The following ANKRD62 variants were observed in gnomAD, a reference collection of about 807,000 sequenced individuals.
The protein encoded by ANKRD62 is ankyrin repeat domain-containing protein 62.
A neutral mutation model predicts 98.8 loss-of-function variants in ANKRD62; 61 were observed. The observed-to-expected ratio is 0.62, with a 90% CI of 0.50 to 0.76. The LOEUF (loss-of-function observed/expected upper bound fraction) is 0.76, where lower values mean the gene tolerates loss of function less well. Ranked by LOEUF, ANKRD62 falls within the 30% of genes least tolerant of loss-of-function variation. The probability of loss-of-function intolerance (pLI) is 0.00; values close to 1 mark genes in which losing one functional copy is unlikely to be tolerated. For synonymous variants in ANKRD62, 341 were observed against 367.9 expected, an observed-to-expected ratio of 0.93 and a Z score of 0.84; for missense variants, 933 against 1,082.9, an observed-to-expected ratio of 0.86 and a Z score of 1.94.
At chr18:12,169,840 T>C in the ANKRD62 span, among the ~76,000 whole-genome samples, 1 of 150,860 alleles carries the variant, frequency 6.6e-6, no homozygotes, top group Non-Finnish European at 1.5e-5. Context: ...ATTCAACTTC[T>C]TCCTGGTTTA....
At chr18:12,168,877 A>C in the ANKRD62 span, among the ~76,000 whole-genome samples, 1 of 152,038 alleles carries the variant, frequency 6.6e-6, no homozygotes, top group Non-Finnish European at 1.5e-5. Context: ...ATTCCTAGGT[A>C]TTTTATTCTC....
intron 7 of ANKRD62, among the ~76,000 whole-genome samples, chr18:12,106,612 A>G (rs922229447): frequency 6.6e-6 from 1 of 152,240 alleles, no homozygotes; most frequent in African/African-American, 2.4e-5. Flanking sequence ...GTAGATAATT[A>G]CTTACACTGT....
chr18:12,110,545 AT>A (rs1219764198), intron 8 of ANKRD62, among the ~76,000 whole-genome samples: 1 of 152,232 alleles, frequency 6.6e-6, no homozygotes, highest in Non-Finnish European at 1.5e-5. Context: ...CAAGAAGAAA[AT>A]TAGGTCATCC....
At chr18:12,162,974 C>T in the ANKRD62 span, among the ~76,000 whole-genome samples, 41 of 152,138 alleles carry the variant, frequency 2.7e-4, no homozygotes, top group East Asian at 6.6e-3. Flanking sequence ...GTTCTGTTTA[C>T]TTAGGATAGC....
the ANKRD62 span, among the ~76,000 whole-genome samples, chr18:12,172,709 G>T: frequency 6.6e-6 from 1 of 152,336 alleles, no homozygotes; most frequent in African/African-American, 2.4e-5. Flanking sequence ...CCCAGAGGTG[G>T]AGTCTACAGA....
At chr18:12,108,859 A>C (rs543596419) in intron 8 of ANKRD62, among the ~76,000 whole-genome samples, 1 of 152,338 alleles carries the variant, frequency 6.6e-6, no homozygotes, top group Admixed American at 6.5e-5. Context: ...CAGTCATTAA[A>C]TCTTAAAGCT....
At chr18:12,181,536 C>G in the ANKRD62 span, among the ~76,000 whole-genome samples, 1 of 152,158 alleles carries the variant, frequency 6.6e-6, no homozygotes, top group Non-Finnish European at 1.5e-5. Context: ...GTGAACCTAT[C>G]ATAAAGTTCA....
intron 11 of ANKRD62, among the ~76,000 whole-genome samples, 157 bp from the exon 12 acceptor site, chr18:12,123,980 A>G (rs905227683): frequency 3.3e-5 from 5 of 152,174 alleles, no homozygotes; most frequent in African/African-American, 9.6e-5. Flanking sequence ...CTACCTTTCA[A>G]TTTATATGTC....
the ANKRD62 span, among the ~76,000 whole-genome samples, chr18:12,165,047 C>A: frequency 6.6e-6 from 1 of 151,774 alleles, no homozygotes; most frequent in Non-Finnish European, 1.5e-5. Context: ...TTTTCTCTTA[C>A]AATTTTTGTT....
intron 4 of ANKRD62, 24 bp downstream of exon 4, chr18:12,096,326 A>C (rs899449188): frequency 7.1e-7 from 1 of 1,404,944 alleles, no homozygotes; most frequent in South Asian, 1.3e-5. Context: ...TTTTTTGTTC[A>C]TTTTTAAACC....
chr18:12,156,690 A>T, the ANKRD62 span, among the ~76,000 whole-genome samples: 1 of 152,158 alleles, frequency 6.6e-6, no homozygotes, highest in Non-Finnish European at 1.5e-5. Context: ...TTTTAAAAAC[A>T]CCATTTTAGG....
chr18:12,103,150 G>T lies in ANKRD62; in HGVS notation c.821-8G>T, dbSNP rs182520049. 10 of 1,374,410 alleles carry T rather than the reference G, an allele frequency of 7.3e-6. No homozygotes were observed. Among genetic ancestry groups the T allele is most frequent in the Non-Finnish European group, 9.5e-6 (10 of 1,056,308 alleles). The allele number at this position is 1,374,410 out of a possible 1,614,324, so 85.1% of individuals were successfully genotyped here. Reference sequence around the variant, plus strand: ...TCATTTTAACTAAATATATGGATTTGTGAGCAGAACAAGACTTAGAAATGA... The same window carrying T: ...TCATTTTAACTAAATATATGGATTTTTGAGCAGAACAAGACTTAGAAATGA... On this transcript the variant is annotated splice_polypyrimidine_tract_variant and splice_region_variant and intron_variant, in intron 6 of 13. Coordinates refer to ENST00000587848, the MANE Select transcript of ANKRD62 (RefSeq NM_001277333.2).
chr18:12,159,636 T>C, the ANKRD62 span, among the ~76,000 whole-genome samples: 1 of 152,224 alleles, frequency 6.6e-6, no homozygotes, highest in Non-Finnish European at 1.5e-5. Flanking sequence ...GAGAAGAATG[T>C]TGTATCTTTT....
At chr18:12,107,558 T>C in intron 8 of ANKRD62, 91 bp downstream of exon 8, 1 of 1,032,336 alleles carries the variant, frequency 9.7e-7, no homozygotes, top group East Asian at 3.1e-5. Context: ...ATTAACAAAT[T>C]TTATACTTTT....
At chr18:12,170,380 G>C in the ANKRD62 span, among the ~76,000 whole-genome samples, 1 of 152,076 alleles carries the variant, frequency 6.6e-6, no homozygotes, top group Non-Finnish European at 1.5e-5. Context: ...TCTTCATTTC[G>C]TTATGTATCC....
rs1568066400 is a variant in ANKRD62, at chr18:12,126,080, CAT to C, written c.2260_2261del (p.Met754ValfsTer4). On this transcript the variant is annotated frameshift_variant, in exon 13 of 14. Transcript: ENST00000587848. LOFTEE classifies it high-confidence loss of function. Reference sequence around the variant, plus strand: ...AGCGTCGATTGGAGGACATTGAACACATGTACCAAAATGACCAACCTATTTTG... The same window carrying C: ...AGCGTCGATTGGAGGACATTGAACACGTACCAAAATGACCAACCTATTTTG... ...TQRRLEDIEHMYQNDQPILEK... is the reference protein window; with the variant it reads ...TQRRLEDIEHXYQNDQPILEK... The C allele has an allele frequency of 9.8e-6, 15 of 1,536,138 alleles. No individual in the cohort carries two copies. Among genetic ancestry groups the C allele is most frequent in the Admixed American group, 2.0e-5 (1 of 50,990 alleles).
the ANKRD62 span, among the ~76,000 whole-genome samples, chr18:12,156,399 T>C: frequency 2.0e-5 from 3 of 152,320 alleles, no homozygotes; most frequent in African/African-American, 7.2e-5. Context: ...TGTCATGGAC[T>C]GGTAGATCCT....
the ANKRD62 span, among the ~76,000 whole-genome samples, chr18:12,150,885 G>A: frequency 5.9e-5 from 9 of 152,170 alleles, no homozygotes; most frequent in East Asian, 1.7e-3. Flanking sequence ...AAGCAAGCCA[G>A]CATAACAGTT....
chr18:12,132,041 A>C (rs1445916997), downstream of ANKRD62, among the ~76,000 whole-genome samples: 3 of 152,136 alleles, frequency 2.0e-5, no homozygotes, highest in Admixed American at 2.0e-4. Flanking sequence ...AAGAATCTTA[A>C]TAATGATGAC....
Sources: allele counts gnomAD v4.1 joint callset (sites outside exome capture counted in the v4.1 genomes callset), GRCh38; gene constraint gnomAD v4.1.1; transcripts MANE v1.5; gene names NCBI Gene and HGNC (gene_info 2026-07-23, HGNC 2026-07-21).